The following ACER3 variants were observed in gnomAD, a reference collection of about 807,000 sequenced individuals.
ACER3 encodes alkCDase 3.
ACER3 carries 16 observed loss-of-function variants against 48.9 expected under a neutral mutation model. The ratio of observed to expected loss-of-function variants is 0.33; its 90% CI spans 0.22 to 0.50. The LOEUF is 0.50. Among genes scored for constraint, ACER3 ranks in the 20% least tolerant of loss-of-function variants. ACER3 has a pLI of 0.98. For synonymous variants in ACER3, 109 were observed against 107.8 expected, an observed-to-expected ratio of 1.01 and a Z score of -0.07; for missense variants, 227 against 326.0, an observed-to-expected ratio of 0.70 and a Z score of 2.34.
At chr11:76,927,680 A>G (rs1037721091) in intron 2 of ACER3, among the ~76,000 whole-genome samples, 11 of 152,020 alleles carry the variant, frequency 7.2e-5, no homozygotes, top group African/African-American at 1.7e-4. Context: ...TCATTGTTCA[A>G]TTCCCACCTA....
intron 1 of ACER3, among the ~76,000 whole-genome samples, chr11:76,918,623 A>G (rs1432705001): frequency 6.6e-6 from 1 of 152,078 alleles, no homozygotes; most frequent in African/African-American, 2.4e-5. Context: ...TAACACAGCA[A>G]GATTGTGGAA....
Position 77,024,527 on chromosome 11 carries a change from C to A in ACER3, c.*4200C>A, listed in dbSNP as rs1949524000. 6.6e-6 allele frequency: 1 copy of A among 152,062 alleles called. No homozygotes were observed. The highest frequency in any genetic ancestry group is 1.5e-5 in the Non-Finnish European group (1 of 68,044). The allele number at this position is 152,062 out of a possible 1,614,324, so 9.4% of individuals were successfully genotyped here. A position where few individuals can be genotyped will look rare whatever the true frequency, so the allele number is the denominator to read the frequency against. ...ATAAACTTTTGCCTTGAGTATGAAA[C>A]CTTGACATTGCTGAAAGAAAAGTGG... On this transcript the variant is annotated 3_prime_UTR_variant, in exon 11 of 11. Transcript: ENST00000532485.
intron 3 of ACER3, among the ~76,000 whole-genome samples, chr11:76,972,566 A>G (rs1948332631): frequency 6.6e-6 from 1 of 152,166 alleles, no homozygotes; most frequent in Admixed American, 6.5e-5. Context: ...TTTAACATCA[A>G]TTAAATTACA....
chr11:76,860,942 G>A lies in ACER3; in HGVS notation c.-35G>A. 1 of 1,482,130 alleles carries A rather than the reference G, an allele frequency of 6.7e-7. No individual in the cohort carries two copies. The highest frequency in any genetic ancestry group is 9.1e-7 in the Non-Finnish European group (1 of 1,103,530). 91.8% of individuals were successfully genotyped at this position (1,482,130 alleles called of 1,614,324 possible). A position where few individuals can be genotyped will look rare whatever the true frequency, so the allele number is the denominator to read the frequency against. On this transcript the variant is annotated 5_prime_UTR_variant, in exon 1 of 11. Coordinates refer to ENST00000532485, the MANE Select transcript of ACER3 (RefSeq NM_018367.7). ...GGTCGCCAGCCTAACCCGGCACAGT[G>A]AGCGGAGCGCCTGGGCGGCGGCGGC...
chr11:76,931,694 G>A (rs1947002691), intron 2 of ACER3, among the ~76,000 whole-genome samples: 1 of 152,034 alleles, frequency 6.6e-6, no homozygotes, highest in African/African-American at 2.4e-5. Flanking sequence ...TTGCTTGTCT[G>A]TAAAGGATTT....
In ACER3 at chr11:77,024,454, C is replaced by T. The variant is rs1949522938; in HGVS notation, c.*4127C>T. On this transcript the variant is annotated 3_prime_UTR_variant, in exon 11 of 11. Transcript: ENST00000532485. ...AGCTTCATATACCCAGATATGGACA[C>T]TTCTACACGTGAAATTCAAACTGAA... 1 of 152,112 alleles carries T rather than the reference C, an allele frequency of 6.6e-6. No homozygotes were observed. Among genetic ancestry groups the T allele is most frequent in the Non-Finnish European group, 1.5e-5 (1 of 68,028 alleles). 9.4% of individuals were successfully genotyped at this position (152,112 alleles called of 1,614,324 possible).
intron 5 of ACER3, among the ~76,000 whole-genome samples, chr11:76,985,970 G>A (rs1948678095): frequency 6.6e-6 from 1 of 152,172 alleles, no homozygotes; most frequent in Admixed American, 6.5e-5. Context: ...CAAATATTTA[G>A]TAGCAATAAT....
At chr11:76,930,291 TC>T (rs1164731455) in intron 2 of ACER3, among the ~76,000 whole-genome samples, 1 of 152,230 alleles carries the variant, frequency 6.6e-6, no homozygotes, top group Non-Finnish European at 1.5e-5. Flanking sequence ...AGTTTGTATT[TC>T]TGTGGGATCA....
intron 3 of ACER3, among the ~76,000 whole-genome samples, chr11:76,964,311 C>A (rs1948079009): frequency 6.6e-6 from 1 of 151,400 alleles, no homozygotes; most frequent in Non-Finnish European, 1.5e-5. Context: ...AACAAAGCGG[C>A]CGGGAAGCTC....
chr11:76,924,821 C>A (rs1385639847), intron 1 of ACER3, among the ~76,000 whole-genome samples: 1 of 151,486 alleles, frequency 6.6e-6, no homozygotes, highest in Non-Finnish European at 1.5e-5. Context: ...ACTAAAAATA[C>A]AAAAATTAGC....
intron 1 of ACER3, among the ~76,000 whole-genome samples, chr11:76,875,743 T>G (rs1160921976): frequency 2.2e-5 from 3 of 135,426 alleles, no homozygotes; most frequent in Non-Finnish European, 4.7e-5. Flanking sequence ...TTTTTTTTTT[T>G]TTTTTTTTTT....
intron 2 of ACER3, among the ~76,000 whole-genome samples, chr11:76,936,384 A>G (rs894541813): frequency 4.6e-5 from 7 of 152,242 alleles, no homozygotes; most frequent in Non-Finnish European, 7.3e-5. Flanking sequence ...TATACATAAG[A>G]ATAAATTCTA....
intron 1 of ACER3, among the ~76,000 whole-genome samples, chr11:76,873,473 T>C (rs983457145): frequency 6.6e-6 from 1 of 152,216 alleles, no homozygotes; most frequent in Non-Finnish European, 1.5e-5. Flanking sequence ...ATAACCTGTA[T>C]ATGAAGGAAA....
chr11:76,906,267 T>A (rs1946230775), intron 1 of ACER3, among the ~76,000 whole-genome samples: 2 of 152,204 alleles, frequency 1.3e-5, no homozygotes, highest in South Asian at 4.1e-4. Flanking sequence ...CAAGTATAGA[T>A]GTAATTTCTG....
intron 2 of ACER3, among the ~76,000 whole-genome samples, chr11:76,951,587 A>G (rs979010193): frequency 2.0e-5 from 3 of 152,152 alleles, no homozygotes; most frequent in African/African-American, 7.2e-5. Context: ...TAGAGAGCTA[A>G]TTTCAGGCAC....
intron 7 of ACER3, among the ~76,000 whole-genome samples, chr11:76,999,078 GT>G (rs1948976751): frequency 6.6e-6 from 1 of 152,034 alleles, no homozygotes; most frequent in Non-Finnish European, 1.5e-5. Flanking sequence ...CGATGGCCTT[GT>G]TTTGAATATT....
chr11:77,022,441 G>C lies in ACER3; in HGVS notation c.*2114G>C, dbSNP rs1205027881. The C allele has an allele frequency of 3.3e-5, 5 of 152,206 alleles. No homozygotes were observed. The highest frequency in any genetic ancestry group is 4.4e-5 in the Non-Finnish European group (3 of 68,042). The allele number at this position is 152,206 out of a possible 1,614,324, so 9.4% of individuals were successfully genotyped here. A position where few individuals can be genotyped will look rare whatever the true frequency, so the allele number is the denominator to read the frequency against. On this transcript the variant is annotated 3_prime_UTR_variant, in exon 11 of 11. Coordinates refer to ENST00000532485, the MANE Select transcript of ACER3 (RefSeq NM_018367.7). ...TTGAAGACCTTTTTTTCTGTTGGGA[G>C]AATGGAAAGCAGAAAGGGAAGCCAG...
intron 1 of ACER3, among the ~76,000 whole-genome samples, chr11:76,899,497 A>T (rs960563284): frequency 8.5e-5 from 13 of 152,088 alleles, no homozygotes; most frequent in Non-Finnish European, 7.4e-5. Flanking sequence ...CTTCTCTTTC[A>T]TTTTTCCTAT....
In ACER3 at chr11:77,012,653, T is replaced by C. The variant is rs149723411; in HGVS notation, c.498-2363T>C. On this transcript the variant is annotated intron_variant, in intron 7 of 10. Coordinates refer to ENST00000532485, the MANE Select transcript of ACER3 (RefSeq NM_018367.7). ...AAACTACACTGTACAGTTTTTTTGT[T>C]GAGAGAAATTGAAGAGCTAGACAAA... is the stretch of plus-strand genomic sequence containing the variant. Among the ~76,000 whole-genome samples the C allele has an allele frequency of 4.4e-3, 666 of 152,264 alleles. 9 individuals are homozygous for C. Among genetic ancestry groups the C allele is most frequent in the African/African-American group, 0.015 (634 of 41,552 alleles).
Sources: allele counts gnomAD v4.1 joint callset (sites outside exome capture counted in the v4.1 genomes callset), GRCh38; gene constraint gnomAD v4.1.1; transcripts MANE v1.5; gene names NCBI Gene and HGNC (gene_info 2026-07-23, HGNC 2026-07-21).